Variants in ZBTB16 observed in about 807,000 individuals in gnomAD.
The protein encoded by ZBTB16 is zinc finger and BTB domain-containing protein 16.
Under a neutral mutation model 56.8 loss-of-function variants are expected in ZBTB16, and 8 were observed. The observed-to-expected ratio is 0.14, with a 90% confidence interval of 0.08 to 0.25. The LOEUF (loss-of-function observed/expected upper bound fraction) is 0.25. Ranked by LOEUF, ZBTB16 falls within the 10% of genes least tolerant of loss-of-function variation. ZBTB16 has a pLI of 1.00. For synonymous variants in ZBTB16, 363 were observed against 368.5 expected (o/e 0.98, Z 0.17); for missense variants, 625 against 903.0 (o/e 0.69, Z 3.95).
intron 3 of ZBTB16, among the ~76,000 whole-genome samples, chr11:114,166,920 T>G (rs934997281): frequency 4.6e-5 from 7 of 152,176 alleles, no homozygotes; most frequent in African/African-American, 1.7e-4. Flanking sequence ...TGCATTTTTT[T>G]GTCTAATAAT....
rs1465143861 is a variant in ZBTB16 at position 114,255,471 on chromosome 11, G to A, written c.*4916G>A. ...CTTGCCCTCTCCATCTCCCTCTCCC[G>A]CCCTCCCCTCCTCCCTCTGGCTCCC... is the stretch of plus-strand genomic sequence containing the variant. On this transcript the variant is annotated 3_prime_UTR_variant, in exon 7 of 7. Coordinates refer to ENST00000335953, the MANE Select transcript of ZBTB16 (RefSeq NM_006006.6). Among the ~76,000 whole-genome samples the A allele has an allele frequency of 1.9e-5, 2 of 102,624 alleles. No individual in the cohort carries two copies. The highest frequency in any genetic ancestry group is 3.8e-5 in the African/African-American group (1 of 26,560). The allele number at this position is 102,624 out of a possible 152,430, so 67.3% of individuals were successfully genotyped here.
chr11:114,179,264 G>A (rs1433647295), intron 3 of ZBTB16, among the ~76,000 whole-genome samples: 1 of 124,116 alleles, frequency 8.1e-6, no homozygotes, highest in Non-Finnish European at 1.6e-5. Flanking sequence ...AAAGGAGAAA[G>A]AGCAAGAGAG....
chr11:114,163,839 TG>T (rs1363776084), intron 3 of ZBTB16, among the ~76,000 whole-genome samples: 7 of 152,228 alleles, frequency 4.6e-5, no homozygotes, highest in African/African-American at 1.7e-4. Flanking sequence ...TCTATAAATT[TG>T]TTTCCACATT....
intron 4 of ZBTB16, among the ~76,000 whole-genome samples, chr11:114,215,349 G>C (rs902820192): frequency 4.6e-5 from 7 of 152,130 alleles, no homozygotes; most frequent in Admixed American, 6.5e-5. Flanking sequence ...TTCTCATTGA[G>C]GATCAGGCTC....
At chr11:114,127,292 A>T (rs2735208) in intron 2 of ZBTB16, among the ~76,000 whole-genome samples, 42,491 of 152,054 alleles carry the variant, frequency 0.28, 6,248 homozygotes, top group Non-Finnish European at 0.31. Context: ...AGGGTTCTCA[A>T]AGTGACCTGC....
At chr11:114,201,363 G>A (rs374977516) in intron 4 of ZBTB16, among the ~76,000 whole-genome samples, 29 of 152,102 alleles carry the variant, frequency 1.9e-4, no homozygotes, top group African/African-American at 6.0e-4. Context: ...AAGGAGGTAC[G>A]TGCCACCAAG....
chr11:114,211,026 T>G (rs956431554), intron 4 of ZBTB16: 2 of 170,138 alleles, frequency 1.2e-5, no homozygotes, highest in African/African-American at 4.8e-5. Flanking sequence ...CAAGCGATTC[T>G]CCTGCCTCAG....
chr11:114,088,542 T>C (rs372708604), intron 2 of ZBTB16, among the ~76,000 whole-genome samples: 21 of 152,302 alleles, frequency 1.4e-4, no homozygotes, highest in African/African-American at 5.1e-4. Flanking sequence ...CAGCCCCGCT[T>C]CGTCCACTGC....
At chr11:114,183,572 C>G (rs1208256308) in intron 3 of ZBTB16, among the ~76,000 whole-genome samples, 1 of 152,216 alleles carries the variant, frequency 6.6e-6, no homozygotes, top group Non-Finnish European at 1.5e-5. Flanking sequence ...AGTGCCCTCC[C>G]CTTCCCAGCT....
At chr11:114,115,599 G>A (rs77103977) in intron 2 of ZBTB16, among the ~76,000 whole-genome samples, 2 of 152,066 alleles carry the variant, frequency 1.3e-5, no homozygotes, top group Non-Finnish European at 2.9e-5. Context: ...GGGGTACTGG[G>A]TGTACACCAG....
Position 114,223,641 on chromosome 11 carries a change from T to G in ZBTB16, c.1454-18526T>G, listed in dbSNP as rs532403116. 9.3e-4 allele frequency among the ~76,000 whole-genome samples: 142 copies of G among 152,326 alleles called. 1 individual carries two copies. The highest frequency in any genetic ancestry group is 3.3e-3 in the African/African-American group (138 of 41,564). On this transcript the variant is annotated intron_variant, in intron 4 of 6. Coordinates refer to ENST00000335953, the MANE Select transcript of ZBTB16 (RefSeq NM_006006.6). ...CTCTGGGAATACAGTGGTGAGCAAA[T>G]CAGAACCCATGTCTTCATGGGTTTC...
chr11:114,217,330 A>C (rs1239350655), intron 4 of ZBTB16, among the ~76,000 whole-genome samples: 1 of 152,138 alleles, frequency 6.6e-6, no homozygotes, highest in Non-Finnish European at 1.5e-5. Flanking sequence ...TGCAGGTGAG[A>C]TCAGAGGGAG....
intron 4 of ZBTB16, among the ~76,000 whole-genome samples, chr11:114,240,729 C>T (rs540282800): frequency 1.3e-5 from 2 of 152,268 alleles, no homozygotes; most frequent in South Asian, 4.1e-4. Context: ...GCCATGGCTC[C>T]AGAGCAGTGT....
intron 4 of ZBTB16, among the ~76,000 whole-genome samples, chr11:114,196,054 T>C (rs1943600868): frequency 6.6e-6 from 1 of 152,194 alleles, no homozygotes; most frequent in Non-Finnish European, 1.5e-5. Flanking sequence ...GGAGCAGATT[T>C]GGTAGATCTT....
At chr11:114,211,887 T>C (rs1944004680) in intron 4 of ZBTB16, among the ~76,000 whole-genome samples, 1 of 152,232 alleles carries the variant, frequency 6.6e-6, no homozygotes, top group Admixed American at 6.5e-5. Context: ...CCTGGAATGC[T>C]GAGGGGGGCC....
chr11:114,165,332 A>G (rs1284400235), intron 3 of ZBTB16, among the ~76,000 whole-genome samples: 1 of 152,064 alleles, frequency 6.6e-6, no homozygotes, highest in East Asian at 1.9e-4. Flanking sequence ...GTTCCCCCCA[A>G]ATCCCAGTTG....
chr11:114,077,671 G>A (rs1168968506), intron 2 of ZBTB16, among the ~76,000 whole-genome samples: 2 of 152,150 alleles, frequency 1.3e-5, no homozygotes, highest in African/African-American at 4.8e-5. Flanking sequence ...ACGTGAAGCC[G>A]CCACCTTGCC....
rs2135047640 is a variant in ZBTB16 at position 114,182,558 on chromosome 11, T to C, written c.1367-4394T>C. On this transcript the variant is annotated intron_variant, in intron 3 of 6. Transcript: ENST00000335953. ...CCAGCCCCCGTGTGTAGGAAGGATATGGCAAGTCATGGCCATCCCAGAGCT... is the reference window on the plus strand; with the variant it reads ...CCAGCCCCCGTGTGTAGGAAGGATACGGCAAGTCATGGCCATCCCAGAGCT... Among the ~76,000 whole-genome samples the C allele has an allele frequency of 2.0e-5, 3 of 152,290 alleles. No homozygotes were observed. In the South Asian group the frequency reaches 6.2e-4, roughly 32 times the overall value.
intron 2 of ZBTB16, among the ~76,000 whole-genome samples, chr11:114,128,881 C>T (rs982926432): frequency 6.6e-6 from 1 of 152,316 alleles, no homozygotes; most frequent in African/African-American, 2.4e-5. Context: ...CTGCAAACAC[C>T]AGGGAGAGAT....
Sources: allele counts gnomAD v4.1 joint callset (sites outside exome capture counted in the v4.1 genomes callset), GRCh38; gene constraint gnomAD v4.1.1; transcripts MANE v1.5; gene names NCBI Gene and HGNC (gene_info 2026-07-23, HGNC 2026-07-21).